KLF12: variants seen among roughly 807,000 people sequenced by gnomAD.
KLF12 encodes the protein Krueppel-like factor 12.
KLF12 carries 9 observed loss-of-function variants against 37.8 expected under a neutral mutation model. The observed-to-expected ratio is 0.24, with a 90% CI of 0.14 to 0.42. KLF12 has a LOEUF of 0.42. KLF12 is among the 10% of genes least tolerant of loss of function. KLF12 has a pLI of 1.00. For synonymous variants in KLF12, 208 were observed against 202.1 expected, an observed-to-expected ratio of 1.03 and a Z score of -0.25; for missense variants, 411 against 516.0, an observed-to-expected ratio of 0.80 and a Z score of 1.97.
chr13:73,831,266 A>C (rs951789173), intron 4 of KLF12, among the ~76,000 whole-genome samples: 30 of 152,150 alleles, frequency 2.0e-4, no homozygotes, highest in African/African-American at 7.2e-4. Flanking sequence ...TACCACTCTT[A>C]AGCTGTGCCC....
At chr13:73,751,965 G>A (rs1878789827) in intron 6 of KLF12, among the ~76,000 whole-genome samples, 1 of 151,958 alleles carries the variant, frequency 6.6e-6, no homozygotes, top group Non-Finnish European at 1.5e-5. Context: ...CATTCATACA[G>A]CTTCTGTCCA....
the KLF12 span, among the ~76,000 whole-genome samples, chr13:74,277,230 A>G: frequency 1.3e-5 from 2 of 152,138 alleles, no homozygotes; most frequent in Non-Finnish European, 2.9e-5. Context: ...AGGCTACTGG[A>G]TCACCTCATC....
the KLF12 span, among the ~76,000 whole-genome samples, chr13:74,180,835 T>A: frequency 6.6e-6 from 1 of 152,152 alleles, no homozygotes; most frequent in Non-Finnish European, 1.5e-5. Flanking sequence ...GTTGCTTTTT[T>A]CCCCATTAAA....
At chr13:74,247,993 C>G in the KLF12 span, among the ~76,000 whole-genome samples, 10 of 152,188 alleles carry the variant, frequency 6.6e-5, no homozygotes, top group Non-Finnish European at 1.2e-4. Flanking sequence ...ATGCCTTAAG[C>G]TATCTTAGAC....
At chr13:73,992,732 A>T (rs749704103) in intron 2 of KLF12, among the ~76,000 whole-genome samples, 1 of 152,230 alleles carries the variant, frequency 6.6e-6, no homozygotes, top group Non-Finnish European at 1.5e-5. Context: ...CTGACATTTT[A>T]AAAACTTCGT....
At chr13:74,245,798 C>T in the KLF12 span, among the ~76,000 whole-genome samples, 1 of 152,138 alleles carries the variant, frequency 6.6e-6, no homozygotes, top group African/African-American at 2.4e-5. Flanking sequence ...TAACCACTTA[C>T]CTCTTGTAAA....
the KLF12 span, among the ~76,000 whole-genome samples, chr13:74,272,221 T>A: frequency 6.6e-6 from 1 of 152,198 alleles, no homozygotes; most frequent in Non-Finnish European, 1.5e-5. Flanking sequence ...ATTTAACAGC[T>A]GATTTCAAGA....
At chr13:73,698,965 C>T (rs1327691806) in intron 7 of KLF12, among the ~76,000 whole-genome samples, 1 of 152,094 alleles carries the variant, frequency 6.6e-6, no homozygotes, top group Admixed American at 6.5e-5. Context: ...AAATTAGGAT[C>T]CTCGATTCAA....
At chr13:74,119,749 A>G (rs181427370) in intron 1 of KLF12, among the ~76,000 whole-genome samples, 149 of 152,262 alleles carry the variant, frequency 9.8e-4, no homozygotes, top group Non-Finnish European at 1.5e-3. Flanking sequence ...ACATAGTCCA[A>G]AGGGAAAAGA....
intron 3 of KLF12, among the ~76,000 whole-genome samples, chr13:73,918,858 G>A (rs907458387): frequency 3.9e-5 from 6 of 152,136 alleles, no homozygotes; most frequent in African/African-American, 1.4e-4. Flanking sequence ...ACTCTTTAAT[G>A]TTGCTCGGTT....
chr13:74,157,870 A>T, the KLF12 span, among the ~76,000 whole-genome samples: 10 of 152,274 alleles, frequency 6.6e-5, no homozygotes, highest in Admixed American at 4.6e-4. Context: ...CTCCCATGGC[A>T]TTCATCAGGT....
intron 5 of KLF12, among the ~76,000 whole-genome samples, chr13:73,799,908 T>C (rs1213509779): frequency 6.6e-6 from 1 of 152,154 alleles, no homozygotes; most frequent in Non-Finnish European, 1.5e-5. Context: ...ACCGCAACAC[T>C]TTCTGCTGAA....
At chr13:74,302,239 C>T in the KLF12 span, among the ~76,000 whole-genome samples, 1 of 152,068 alleles carries the variant, frequency 6.6e-6, no homozygotes, top group African/African-American at 2.4e-5. Flanking sequence ...TGTATATAGT[C>T]ATATGTGATG....
chr13:74,041,469 A>C (rs1260384222), intron 1 of KLF12, among the ~76,000 whole-genome samples: 1 of 152,120 alleles, frequency 6.6e-6, no homozygotes, highest in Non-Finnish European at 1.5e-5. Context: ...ACTGGCTTCC[A>C]ACATTCATGT....
chr13:73,942,489 C>T (rs1302271276), intron 3 of KLF12, among the ~76,000 whole-genome samples: 1 of 151,946 alleles, frequency 6.6e-6, no homozygotes, highest in Non-Finnish European at 1.5e-5. Flanking sequence ...AGAACTAAGA[C>T]AAATCCTCCC....
chr13:73,756,257 G>A (rs1360514205), intron 6 of KLF12, among the ~76,000 whole-genome samples: 1 of 152,144 alleles, frequency 6.6e-6, no homozygotes, highest in African/African-American at 2.4e-5. Flanking sequence ...AAAGCTTTAT[G>A]CATTTCATAG....
intron 1 of KLF12, among the ~76,000 whole-genome samples, chr13:74,108,046 T>G (rs1357778669): frequency 6.6e-6 from 1 of 152,212 alleles, no homozygotes; most frequent in African/African-American, 2.4e-5. Flanking sequence ...AGTCACATTA[T>G]TTTTACTACT....
intron 1 of KLF12, among the ~76,000 whole-genome samples, chr13:74,085,494 T>C (rs1875221499): frequency 1.3e-5 from 2 of 152,232 alleles, no homozygotes; most frequent in African/African-American, 2.4e-5. Flanking sequence ...CATAATTCAC[T>C]GAATTCTCAC....
rs138712715 is a variant in KLF12, at chr13:73,765,428, A to G, written c.807-428T>C. Among the ~76,000 whole-genome samples the G allele has an allele frequency of 3.4e-3, 521 of 152,242 alleles. 3 individuals carry two copies. The highest frequency in any genetic ancestry group is 0.011 in the African/African-American group (454 of 41,532). On this transcript the variant is annotated intron_variant, in intron 5 of 7. Coordinates refer to ENST00000377669, the MANE Select transcript of KLF12 (RefSeq NM_007249.5). ...TAAGTGCCCTCTCCTTCACTCTACC[A>G]CATTTAAAACTCTAGGAAGCAAACA... is the stretch of plus-strand genomic sequence containing the variant.
Sources: gnomAD v4.1 joint callset for allele counts (sites outside exome capture counted in the v4.1 genomes callset) on GRCh38, gnomAD v4.1.1 for gene constraint, MANE v1.5 for transcripts, NCBI Gene and HGNC (gene_info 2026-07-23, HGNC 2026-07-21) for gene names.